GALNT18: variants seen among roughly 807,000 people sequenced by gnomAD.
GALNT18 encodes the protein GalNAc-transferase 18.
Under a neutral mutation model 69.5 loss-of-function variants are expected in GALNT18, and 44 were observed. The observed-to-expected ratio is 0.63, with a 90% CI of 0.50 to 0.81. The LOEUF (loss-of-function observed/expected upper bound fraction) is 0.81. Ranked by LOEUF, GALNT18 falls within the 40% of genes least tolerant of loss-of-function variation. The pLI is 0.00. For synonymous variants in GALNT18, 364 were observed against 318.2 expected (o/e 1.14, Z -1.53); for missense variants, 715 against 810.0 (o/e 0.88, Z 1.42).
chr11:11,319,353 T>C (rs1470319647), intron 9 of GALNT18, among the ~76,000 whole-genome samples: 1 of 152,082 alleles, frequency 6.6e-6, no homozygotes, highest in African/African-American at 2.4e-5. Flanking sequence ...GATTAGAAAA[T>C]AGAGAATAGT....
At chr11:11,526,181 A>G (rs1387962060) in intron 1 of GALNT18, among the ~76,000 whole-genome samples, 1 of 152,222 alleles carries the variant, frequency 6.6e-6, no homozygotes, top group African/African-American at 2.4e-5. Context: ...GCAGGATGTC[A>G]TCAGGGAAGA....
intron 3 of GALNT18, among the ~76,000 whole-genome samples, chr11:11,401,329 C>T (rs949085663): frequency 6.6e-6 from 1 of 152,204 alleles, no homozygotes; most frequent in African/African-American, 2.4e-5. Flanking sequence ...TCATGATCAA[C>T]CTCCTGGAGG....
chr11:11,352,391 C>A (rs1850429380), intron 6 of GALNT18: 1 of 1,614,168 alleles, frequency 6.2e-7, no homozygotes, highest in East Asian at 2.2e-5. Flanking sequence ...TGGCTATCCT[C>A]ACCAACTGAT....
chr11:11,447,501 T>G (rs1855683394), intron 2 of GALNT18, among the ~76,000 whole-genome samples: 1 of 152,246 alleles, frequency 6.6e-6, no homozygotes, highest in Admixed American at 6.5e-5. Flanking sequence ...GTTCACTGCT[T>G]TGTCCCTTGT....
chr11:11,527,210 C>T (rs777794712), intron 1 of GALNT18, among the ~76,000 whole-genome samples: 30 of 152,212 alleles, frequency 2.0e-4, no homozygotes, highest in Non-Finnish European at 3.4e-4. Flanking sequence ...AGGATGGAGA[C>T]GAGCAGCATC....
rs1252443023 is a variant in GALNT18, at chr11:11,540,007, G to C, written c.235+81352C>G. ...TACCAATGGGAAATGAGGGGAGACG[G>C]AGCTGCACAGGGGACCCCGATGCCA... On this transcript the variant is annotated intron_variant, in intron 1 of 10. Transcript: ENST00000227756. This position sits in a 1 kb window ranked among gnomAD's most constrained non-coding sequence, Gnocchi z 4.6. Among the ~76,000 whole-genome samples, 1 of 152,148 alleles carries C rather than the reference G, an allele frequency of 6.6e-6. No individual in the cohort carries two copies. Among genetic ancestry groups the C allele is most frequent in the African/African-American group, 2.4e-5 (1 of 41,438 alleles).
chr11:11,399,916 C>A (rs989707129), intron 3 of GALNT18, among the ~76,000 whole-genome samples: 1 of 152,156 alleles, frequency 6.6e-6, no homozygotes, highest in Non-Finnish European at 1.5e-5. Context: ...ATGCATTATC[C>A]AATTTAATGA....
At chr11:11,384,182 G>A (rs1040303927) in intron 3 of GALNT18, among the ~76,000 whole-genome samples, 11 of 152,160 alleles carry the variant, frequency 7.2e-5, no homozygotes, top group African/African-American at 2.6e-4. Context: ...TGATTATGTT[G>A]AAATCCTAAC....
In GALNT18 at chr11:11,377,466, C is replaced by G; in HGVS notation, c.780-87G>C. The G allele has an allele frequency of 1.7e-6, 2 of 1,207,862 alleles. No individual in the cohort carries two copies. Among genetic ancestry groups the G allele is most frequent in the South Asian group, 1.3e-5 (1 of 77,022 alleles). The allele number at this position is 1,207,862 out of a possible 1,614,324, so 74.8% of individuals were successfully genotyped here. A position where few individuals can be genotyped will look rare whatever the true frequency, so the allele number is the denominator to read the frequency against. ...GCATCTCCTGAAGGTCCTTCCCCAG[C>G]AGAAAGAGGAAGGAAGGCCTGCCCA... On this transcript the variant is annotated intron_variant, in intron 4 of 10. Transcript: ENST00000227756. This position sits in a 1 kb window ranked among gnomAD's most constrained non-coding sequence, Gnocchi z 4.6.
intron 3 of GALNT18, among the ~76,000 whole-genome samples, chr11:11,401,460 G>C (rs1021523201): frequency 2.0e-5 from 3 of 152,130 alleles, no homozygotes; most frequent in African/African-American, 7.2e-5. Context: ...CCAGCACTCG[G>C]TCCTAGAGGC....
intron 1 of GALNT18, among the ~76,000 whole-genome samples, 197 bp from the exon 2 acceptor site, chr11:11,449,133 C>T (rs913110563): frequency 6.6e-6 from 1 of 152,252 alleles, no homozygotes; most frequent in South Asian, 2.1e-4. Flanking sequence ...TAACCCACAA[C>T]CACCAGGCAC....
intron 9 of GALNT18, among the ~76,000 whole-genome samples, chr11:11,293,950 G>GTGCAGAGCAGGAGGTGGC (rs1351345474): frequency 6.6e-6 from 1 of 151,630 alleles, no homozygotes; most frequent in African/African-American, 2.4e-5. Flanking sequence ...CACTAAGACT[G>GTGCAGAGCAGGAGGTGGC]TGCAGAGCAG....
intron 3 of GALNT18, among the ~76,000 whole-genome samples, chr11:11,414,817 C>A (rs545976427): frequency 6.6e-6 from 1 of 152,270 alleles, no homozygotes; most frequent in African/African-American, 2.4e-5. Context: ...AACTGAGCAG[C>A]TTGAAACAAC....
In GALNT18 at chr11:11,333,429, C is replaced by T. The variant is rs576851870; in HGVS notation, c.1279-598G>A. ...AGTAGCACTACATAATCCTCCTTTACGGATGATGAGTTGAGACAAAGAGAG... is the reference window on the plus strand; with the variant it reads ...AGTAGCACTACATAATCCTCCTTTATGGATGATGAGTTGAGACAAAGAGAG... On this transcript the variant is annotated intron_variant, in intron 7 of 10. Transcript: ENST00000227756. 7.9e-5 allele frequency among the ~76,000 whole-genome samples: 12 copies of T among 152,268 alleles called. 1 individual carries two copies. Among genetic ancestry groups the T allele is most frequent in the South Asian group, 6.2e-4 (3 of 4,820 alleles).
At chr11:11,558,557 T>C (rs1291088263) in intron 1 of GALNT18, among the ~76,000 whole-genome samples, 1 of 152,260 alleles carries the variant, frequency 6.6e-6, no homozygotes, top group Non-Finnish European at 1.5e-5. Flanking sequence ...CCCTGCTTCA[T>C]GCTTGGAGTC....
intron 3 of GALNT18, among the ~76,000 whole-genome samples, chr11:11,407,438 G>A (rs970105217): frequency 7.9e-5 from 12 of 152,214 alleles, no homozygotes; most frequent in African/African-American, 1.9e-4. Flanking sequence ...AGCCACCACC[G>A]CTGAGACACA....
chr11:11,405,104 C>A (rs529144825), intron 3 of GALNT18, among the ~76,000 whole-genome samples: 1 of 152,276 alleles, frequency 6.6e-6, no homozygotes, highest in South Asian at 2.1e-4. Flanking sequence ...GTGCCTTGAG[C>A]CCCGGCCGTG....
At chr11:11,373,383 C>T (rs570456106) in intron 5 of GALNT18, among the ~76,000 whole-genome samples, 3 of 152,258 alleles carry the variant, frequency 2.0e-5, no homozygotes, top group African/African-American at 4.8e-5. Flanking sequence ...ATGAACTACA[C>T]AAGGGTGAGA....
chr11:11,440,068 A>C (rs185920513), intron 2 of GALNT18, among the ~76,000 whole-genome samples: 2 of 152,368 alleles, frequency 1.3e-5, no homozygotes, highest in Admixed American at 1.3e-4. Context: ...GCTGATGAGT[A>C]AACTGCTAAG....
Sources: allele counts gnomAD v4.1 joint callset (sites outside exome capture counted in the v4.1 genomes callset), GRCh38; gene constraint gnomAD v4.1.1; non-coding constraint Gnocchi (gnomAD v3.1); transcripts MANE v1.5; gene names NCBI Gene and HGNC (gene_info 2026-07-23, HGNC 2026-07-21).